Variants in PLCH1 observed in about 807,000 individuals in gnomAD.
The protein encoded by PLCH1 is 1-phosphatidylinositol 4,5-bisphosphate phosphodiesterase eta-1.
PLCH1 carries 60 observed loss-of-function variants against 126.7 expected under a neutral mutation model. The observed-to-expected ratio is 0.47, with a 90% CI of 0.38 to 0.59. The LOEUF is 0.59. Ranked by LOEUF, PLCH1 falls within the 20% of genes least tolerant of loss-of-function variation. The pLI, the probability that PLCH1 is intolerant of heterozygous loss-of-function variation, is 0.00. For missense variants in PLCH1, 1,723 were observed against 2,040.0 expected (o/e 0.84, Z 2.99); for synonymous variants, 719 against 734.9 (o/e 0.98, Z 0.35).
chr3:155,460,523 T>C (rs538441560), intron 21 of PLCH1, among the ~76,000 whole-genome samples: 12 of 152,276 alleles, frequency 7.9e-5, no homozygotes, highest in African/African-American at 2.6e-4. Context: ...ACTTAGAAGT[T>C]GGCCCTTAGT....
At chr3:155,458,052 G>A (rs1712501096) in intron 21 of PLCH1, among the ~76,000 whole-genome samples, 1 of 152,158 alleles carries the variant, frequency 6.6e-6, no homozygotes, top group African/African-American at 2.4e-5. Flanking sequence ...ATTAGAAAGT[G>A]TGGGTAAGGC....
intron 2 of PLCH1, among the ~76,000 whole-genome samples, chr3:155,618,448 T>C (rs1441061391): frequency 6.6e-6 from 1 of 152,190 alleles, no homozygotes; most frequent in African/African-American, 2.4e-5. Context: ...CTTCTGTAAC[T>C]AAGACGTTTT....
At chr3:155,579,844 C>CTCTGTCTCTGTCTGTCTGTCTGTG (rs745438874) in intron 6 of PLCH1, among the ~76,000 whole-genome samples, 1 of 152,098 alleles carries the variant, frequency 6.6e-6, no homozygotes, top group African/African-American at 2.4e-5. Flanking sequence ...GCCTGTCAGT[C>CTCTGTCTCTGTCTGTCTGTCTGTG]TCTGTCTCTG....
At chr3:155,634,475 C>T (rs1738485035) in intron 2 of PLCH1, among the ~76,000 whole-genome samples, 2 of 152,188 alleles carry the variant, frequency 1.3e-5, no homozygotes. Context: ...AACCATGGGG[C>T]TTCAGGTCAC....
chr3:155,526,845 T>C (rs1179230525), intron 10 of PLCH1, among the ~76,000 whole-genome samples: 3 of 152,180 alleles, frequency 2.0e-5, no homozygotes, highest in African/African-American at 4.8e-5. Flanking sequence ...CAGCAATAGA[T>C]ACCTAACGTA....
At chr3:155,669,488 G>A (rs1173768821) in intron 2 of PLCH1, among the ~76,000 whole-genome samples, 1 of 152,146 alleles carries the variant, frequency 6.6e-6, no homozygotes, top group African/African-American at 2.4e-5. Flanking sequence ...TAAGGTGAGA[G>A]GTTCATTTGA....
rs966739790 is a variant in PLCH1, at chr3:155,744,934, C to T, written c.-135G>A. The T allele has an allele frequency of 6.6e-6, 1 of 152,462 alleles. No individual in the cohort carries two copies. The highest frequency in any genetic ancestry group is 2.4e-5 in the African/African-American group (1 of 41,438). The allele number at this position is 152,462 out of a possible 1,614,324, so 9.4% of individuals were successfully genotyped here. ...AGTGCTGGGGTGATGAGTTATTGGCCCCTGTGACTCCAACTCCAAACCCCT... is the reference window on the plus strand; with the variant it reads ...AGTGCTGGGGTGATGAGTTATTGGCTCCTGTGACTCCAACTCCAAACCCCT... On this transcript the variant is annotated 5_prime_UTR_variant, in exon 1 of 23. Coordinates refer to ENST00000460012, the MANE Select transcript of PLCH1 (RefSeq NM_014996.4).
chr3:155,549,502 C>G (rs555312236), intron 10 of PLCH1, among the ~76,000 whole-genome samples: 1 of 152,162 alleles, frequency 6.6e-6, no homozygotes. Flanking sequence ...ACACATTTCT[C>G]TCTAGTGTGA....
At chr3:155,627,868 A>G (rs1327905016) in intron 2 of PLCH1, among the ~76,000 whole-genome samples, 4 of 151,282 alleles carry the variant, frequency 2.6e-5, no homozygotes, top group Non-Finnish European at 4.4e-5. Flanking sequence ...CCTGAGTTCA[A>G]GTGATTCTCT....
intron 2 of PLCH1, among the ~76,000 whole-genome samples, chr3:155,667,661 C>A (rs1742879835): frequency 6.6e-6 from 1 of 151,988 alleles, no homozygotes; most frequent in East Asian, 1.9e-4. Context: ...TTAATCTTAA[C>A]CTGCTGTTAA....
intron 21 of PLCH1, among the ~76,000 whole-genome samples, chr3:155,468,198 T>G (rs1315894226): frequency 6.6e-6 from 1 of 152,196 alleles, no homozygotes; most frequent in Non-Finnish European, 1.5e-5. Flanking sequence ...AATAATGGGT[T>G]ATAAGATAGT....
chr3:155,590,732 AG>A, intron 4 of PLCH1, among the ~76,000 whole-genome samples: 1 of 152,350 alleles, frequency 6.6e-6, no homozygotes, highest in East Asian at 1.9e-4. Flanking sequence ...CCTGGGTGAC[AG>A]AGCGAGACTC....
intron 1 of PLCH1, among the ~76,000 whole-genome samples, chr3:155,728,461 T>A (rs1271919847): frequency 6.6e-6 from 1 of 152,226 alleles, no homozygotes; most frequent in Non-Finnish European, 1.5e-5. Flanking sequence ...TCCCTTTTGT[T>A]CTGATAGAGA....
intron 1 of PLCH1, among the ~76,000 whole-genome samples, chr3:155,718,533 G>A (rs1489920337): frequency 6.6e-6 from 1 of 152,182 alleles, no homozygotes; most frequent in Non-Finnish European, 1.5e-5. Flanking sequence ...AGGATGTACA[G>A]GAAGCATGGC....
intron 21 of PLCH1, among the ~76,000 whole-genome samples, chr3:155,458,449 GGAAGGAA>G (rs1712543689): frequency 1.3e-4 from 4 of 31,646 alleles, no homozygotes; most frequent in Non-Finnish European, 2.0e-4. Flanking sequence ...AAGGAAGGAA[GGAAGGAA>G]AGAAAGAAAG....
At chr3:155,597,269 C>G (rs183653500) in intron 2 of PLCH1, among the ~76,000 whole-genome samples, 28 of 152,306 alleles carry the variant, frequency 1.8e-4, no homozygotes, top group Admixed American at 1.7e-3. Flanking sequence ...AAATCCTGAG[C>G]ATATCATTGC....
intron 7 of PLCH1, among the ~76,000 whole-genome samples, chr3:155,565,402 G>A (rs1463044171): frequency 2.0e-5 from 3 of 152,018 alleles, no homozygotes; most frequent in African/African-American, 4.8e-5. Flanking sequence ...TCAAGGCTTG[G>A]TGCTGTCTTT....
At position 155,596,176 on chromosome 3, in the gene PLCH1, T is replaced by C. The variant is rs527651594; in HGVS notation, c.226+56A>G. ...TCTGAAGCTTCAAGAGCCCACTCAG[T>C]ATAACCCGTGTGTTACTATGTCCAG... is the stretch of plus-strand genomic sequence containing the variant. On this transcript the variant is annotated intron_variant, in intron 3 of 22. Transcript: ENST00000460012. 61 of 1,375,682 alleles carry C rather than the reference T, an allele frequency of 4.4e-5. No individual in the cohort carries two copies. The South Asian group carries it at 6.7e-4, about 15-fold the overall frequency. The allele number at this position is 1,375,682 out of a possible 1,614,324, so 85.2% of individuals were successfully genotyped here.
intron 2 of PLCH1, among the ~76,000 whole-genome samples, chr3:155,692,762 ATTT>A (rs35785650): frequency 3.4e-5 from 5 of 148,178 alleles, no homozygotes; most frequent in East Asian, 2.0e-4. Context: ...ATCATTAGCA[ATTT>A]TTTTTTTTTT....
Sources: allele counts gnomAD v4.1 joint callset (sites outside exome capture counted in the v4.1 genomes callset), GRCh38; gene constraint gnomAD v4.1.1; transcripts MANE v1.5; gene names NCBI Gene and HGNC (gene_info 2026-07-23, HGNC 2026-07-21).